Variants in GRIK4 observed in about 807,000 individuals in gnomAD.
GRIK4 encodes glutamate receptor ionotropic, kainate 4.
In GRIK4, 40 loss-of-function variants were observed where a neutral mutation model predicts 104.9. The observed-to-expected ratio is 0.38, with a 90% CI of 0.30 to 0.50. The LOEUF (loss-of-function observed/expected upper bound fraction) is 0.50. GRIK4 is among the 20% of genes least tolerant of loss of function. The pLI is 0.93. For missense variants in GRIK4, 1,047 were observed against 1,308.1 expected (o/e 0.80, Z 3.08); for synonymous variants, 485 against 524.9 (o/e 0.92, Z 1.04).
chr11:120,760,944 A>G (rs959307862), intron 3 of GRIK4, among the ~76,000 whole-genome samples: 4 of 152,112 alleles, frequency 2.6e-5, no homozygotes, highest in African/African-American at 9.7e-5. Flanking sequence ...AATGATTTAC[A>G]GTCTTTGGGT....
chr11:120,815,423 C>T lies in GRIK4; in HGVS notation c.293C>T (p.Ser98Leu), dbSNP rs751914809. ...PKGVVAVLGP[S>L]SSPASSSIIS... is the part of the protein sequence containing the mutation. ...GGGGTGGTCGCTGTCCTCGGACCATCGTCCAGCCCAGCCTCCAGCTCCATC... is the reference window on the plus strand; with the variant it reads ...GGGGTGGTCGCTGTCCTCGGACCATTGTCCAGCCCAGCCTCCAGCTCCATC... The change falls in exon 5 of 21, where the codon TCG becomes TTG. Residue 98 changes from serine (S) to leucine (L), a missense_variant. Physicochemically the swap from Ser to Leu is moderately radical, Grantham distance 145. Transcript: ENST00000527524. The T allele has an allele frequency of 7.1e-6, 11 of 1,552,706 alleles. No individual in the cohort carries two copies. Among genetic ancestry groups the T allele is most frequent in the Non-Finnish European group, 3.5e-6 (4 of 1,147,366 alleles).
At chr11:120,720,497 G>C (rs1339208299) in intron 3 of GRIK4, among the ~76,000 whole-genome samples, 1 of 152,138 alleles carries the variant, frequency 6.6e-6, no homozygotes, top group African/African-American at 2.4e-5. Flanking sequence ...TGCCAGGCCT[G>C]GACCACGTGG....
chr11:120,548,526 A>G (rs936517521), intron 1 of GRIK4, among the ~76,000 whole-genome samples: 8 of 152,096 alleles, frequency 5.3e-5, no homozygotes, highest in Non-Finnish European at 8.8e-5. Flanking sequence ...AGATGAGGCT[A>G]CAGAGGCACC....
intron 1 of GRIK4, among the ~76,000 whole-genome samples, chr11:120,577,144 T>G (rs757738278): frequency 6.6e-6 from 1 of 152,346 alleles, no homozygotes. Context: ...GAAGGTCATA[T>G]GGCATGTTTC....
rs565226746 is a variant in GRIK4 at position 120,516,171 on chromosome 11, T to A, written c.-159+4284T>A. Among the ~76,000 whole-genome samples, 6 of 152,250 alleles carry A rather than the reference T, an allele frequency of 3.9e-5. No individual in the cohort carries two copies. In the South Asian group the frequency reaches 1.2e-3, roughly 32 times the overall value. On this transcript the variant is annotated intron_variant, in intron 1 of 20. Coordinates refer to ENST00000527524, the MANE Select transcript of GRIK4 (RefSeq NM_014619.5). Reference sequence around the variant, plus strand: ...TGGGGCGGTTGTGGAGTCCCCTGTTTGGGGGGTGGGCAGGACCCTTCTCTC... The same window carrying A: ...TGGGGCGGTTGTGGAGTCCCCTGTTAGGGGGGTGGGCAGGACCCTTCTCTC...
chr11:120,765,200 T>C (rs1305241237), intron 3 of GRIK4, among the ~76,000 whole-genome samples: 1 of 151,952 alleles, frequency 6.6e-6, no homozygotes, highest in East Asian at 1.9e-4. Flanking sequence ...CTTTATTTCA[T>C]TAAGTTGATC....
intron 3 of GRIK4, 92 bp downstream of exon 3, chr11:120,660,492 T>A (rs1949795894): frequency 4.1e-6 from 4 of 968,852 alleles, no homozygotes; most frequent in Non-Finnish European, 6.4e-6. Context: ...TTGGGGAAGC[T>A]GCCCAGCCCG....
intron 1 of GRIK4, among the ~76,000 whole-genome samples, chr11:120,550,370 T>TGAGTTGGGGGGG (rs1565546395): frequency 5.3e-5 from 2 of 38,086 alleles, no homozygotes; most frequent in African/African-American, 2.0e-4. Context: ...GGGGGTGGGG[T>TGAGTTGGGGGGG]GGGGTTCTCC....
At chr11:120,832,318 G>C (rs1953452339) in intron 7 of GRIK4, among the ~76,000 whole-genome samples, 1 of 152,148 alleles carries the variant, frequency 6.6e-6, no homozygotes, top group Non-Finnish European at 1.5e-5. Context: ...AGAGGTCTGC[G>C]GGTTCCTAGG....
chr11:120,680,216 T>TA (rs1472266664), intron 3 of GRIK4, among the ~76,000 whole-genome samples: 2 of 152,198 alleles, frequency 1.3e-5, no homozygotes, highest in Non-Finnish European at 1.5e-5. Context: ...TAGCTGGGAC[T>TA]ACAGGTGCGC....
chr11:120,934,247 G>T (rs1002904930), intron 13 of GRIK4, among the ~76,000 whole-genome samples: 13 of 150,228 alleles, frequency 8.7e-5, no homozygotes, highest in African/African-American at 3.2e-4. Flanking sequence ...GCGTCATGGT[G>T]CTAGGGCACT....
chr11:120,755,418 C>A (rs1201789945), intron 3 of GRIK4, among the ~76,000 whole-genome samples: 1 of 152,072 alleles, frequency 6.6e-6, no homozygotes, highest in Non-Finnish European at 1.5e-5. Context: ...TGAGCCTGGG[C>A]AACCTAGTGA....
chr11:120,853,553 C>CATGA (rs1157709575), intron 8 of GRIK4, among the ~76,000 whole-genome samples: 1 of 152,120 alleles, frequency 6.6e-6, no homozygotes, highest in East Asian at 1.9e-4. Flanking sequence ...TACCTGCTTA[C>CATGA]ATGAATGAAT....
At chr11:120,565,005 T>C (rs1591697775) in intron 1 of GRIK4, among the ~76,000 whole-genome samples, 1 of 152,136 alleles carries the variant, frequency 6.6e-6, no homozygotes, top group African/African-American at 2.4e-5. Flanking sequence ...GGGTGTCCTG[T>C]GTAGCCGCCC....
At chr11:120,777,610 A>G (rs1035966559) in intron 3 of GRIK4, among the ~76,000 whole-genome samples, 1 of 152,224 alleles carries the variant, frequency 6.6e-6, no homozygotes, top group Non-Finnish European at 1.5e-5. Context: ...GAAATGTGGA[A>G]TGTGTTGGGT....
At chr11:120,591,091 C>T (rs1190267120) in intron 1 of GRIK4, among the ~76,000 whole-genome samples, 2 of 152,066 alleles carry the variant, frequency 1.3e-5, no homozygotes, top group Admixed American at 1.3e-4. Flanking sequence ...GGCAAGTCAC[C>T]ATACTGCGCG....
At chr11:120,705,060 C>A (rs1191473542) in intron 3 of GRIK4, among the ~76,000 whole-genome samples, 1 of 152,112 alleles carries the variant, frequency 6.6e-6, no homozygotes, top group Admixed American at 6.5e-5. Flanking sequence ...GTATGACTAT[C>A]CTATGCCAAT....
At chr11:120,965,069 C>T (rs1274584150) in intron 18 of GRIK4, among the ~76,000 whole-genome samples, 1 of 152,006 alleles carries the variant, frequency 6.6e-6, no homozygotes, top group Non-Finnish European at 1.5e-5. Flanking sequence ...GGGAGTATGC[C>T]CAGGAGATAC....
In GRIK4 at chr11:120,815,384, A is replaced by G; in HGVS notation, c.254A>G (p.Gln85Arg). Residue 85 changes from glutamine to arginine, a missense_variant, in exon 5 of 21, where the codon CAG becomes CGG. Gln to Arg is a conservative substitution (Grantham distance 43, BLOSUM62 1). Transcript: ENST00000527524. ...SEYETAETMC[Q>R]ILPKGVVAVL... ...TCCCTGCCGCTGGCTGCAGTGTGTC[A>G]GATCCTCCCCAAGGGGGTGGTCGCT... 1.3e-6 allele frequency: 2 copies of G among 1,543,096 alleles called. No individual in the cohort carries two copies. Among genetic ancestry groups the G allele is most frequent in the Non-Finnish European group, 1.8e-6 (2 of 1,139,986 alleles).
Sources: allele counts gnomAD v4.1 joint callset (sites outside exome capture counted in the v4.1 genomes callset), GRCh38; gene constraint gnomAD v4.1.1; transcripts MANE v1.5; gene names NCBI Gene and HGNC (gene_info 2026-07-23, HGNC 2026-07-21).